AFM: variants seen among roughly 807,000 people sequenced by gnomAD.
AFM encodes the protein afamin.
Under a neutral mutation model 68.7 loss-of-function variants are expected in AFM, and 82 were observed. The observed-to-expected ratio is 1.19, with a 90% CI of 1.00 to 1.43. The LOEUF (loss-of-function observed/expected upper bound fraction) is 1.43, where lower values mean the gene tolerates loss of function less well. Among genes scored for constraint, AFM ranks in the 40% most tolerant of loss-of-function variants. The pLI is 0.00. For synonymous variants in AFM, 250 were observed against 234.2 expected (o/e 1.07, Z -0.61); for missense variants, 772 against 701.8 (o/e 1.10, Z -1.13).
chr4:73,499,904 C>A, intron 11 of AFM, 100 bp from the exon 12 acceptor site: 1 of 969,812 alleles, frequency 1.0e-6, no homozygotes, highest in Non-Finnish European at 1.6e-6. Context: ...GTGAGGTTAA[C>A]AGTGATCTTA....
At chr4:73,492,133 T>C in intron 8 of AFM, 47 bp downstream of exon 8, 1 of 1,538,342 alleles carries the variant, frequency 6.5e-7, no homozygotes, top group Admixed American at 2.1e-5. Context: ...GAAAGAAACT[T>C]ATAAGATTTG....
In AFM at chr4:73,499,211, AC is replaced by A. The variant is rs1307318102; in HGVS notation, c.1388del (p.Thr463SerfsTer2). ...GGTGACAGCTTTCACTACTTGCTGT[AC>A]GCTAAGTGAAGAGTTTGCCTGTGTT... ...KMVTAFTTCC[T>X]LSEEFACVDN... On this transcript the variant is annotated frameshift_variant, in exon 11 of 15. Coordinates refer to ENST00000226355, the MANE Select transcript of AFM (RefSeq NM_001133.2). LOFTEE classifies it high-confidence loss of function. 2 of 1,612,530 alleles carry A rather than the reference AC, an allele frequency of 1.2e-6. No homozygotes were observed. The highest frequency in any genetic ancestry group is 4.5e-5 in the East Asian group (2 of 44,824).
chr4:73,502,938 C>T (rs192217000), intron 13 of AFM, 112 bp from the exon 14 acceptor site: 22 of 1,002,152 alleles, frequency 2.2e-5, no homozygotes, highest in East Asian at 9.8e-5. Flanking sequence ...CCCTGTACAA[C>T]GTGGGAATGA....
At chr4:73,498,922 A>G (rs1328503957) in intron 10 of AFM, among the ~76,000 whole-genome samples, 192 bp from the exon 11 acceptor site, 1 of 152,174 alleles carries the variant, frequency 6.6e-6, no homozygotes, top group Non-Finnish European at 1.5e-5. Context: ...AGGAAGCTAA[A>G]ATAGATATAG....
rs772270123 is a variant in AFM, at chr4:73,485,887, G to A, written c.296G>A (p.Cys99Tyr). The A allele has an allele frequency of 6.2e-7, 1 of 1,613,926 alleles. No individual in the cohort carries two copies. Among genetic ancestry groups the A allele is most frequent in the South Asian group, 1.1e-5 (1 of 91,078 alleles). ...AATAATGTTTTACAGGAAAAAATAT[G>A]TGCTATGGAGGGGCTGCCACAAAAG... ...LPNNVLQEKI[C>Y]AMEGLPQKHN... Residue 99 changes from cysteine to tyrosine, a missense_variant, in exon 4 of 15, where the codon TGT (cysteine) becomes TAT (tyrosine). Cys to Tyr is a radical substitution (Grantham distance 194). Transcript: ENST00000226355.
chr4:73,487,142 C>A (rs1196777707), intron 5 of AFM, 43 bp downstream of exon 5: 21 of 1,605,466 alleles, frequency 1.3e-5, no homozygotes, highest in Non-Finnish European at 1.8e-5. Context: ...AGAAATCACT[C>A]AATACCACAG....
chr4:73,487,659 C>A (rs1577974222), intron 5 of AFM, 65 bp from the exon 6 acceptor site: 1 of 1,127,904 alleles, frequency 8.9e-7, no homozygotes, highest in Non-Finnish European at 1.3e-6. Context: ...TGAAATATGA[C>A]TAAAAAATAA....
intron 1 of AFM, among the ~76,000 whole-genome samples, chr4:73,483,512 G>A (rs1392105360): frequency 6.6e-6 from 1 of 152,226 alleles, no homozygotes; most frequent in African/African-American, 2.4e-5. Flanking sequence ...TGACTGAGTA[G>A]CGCTAAAAAC....
Position 73,495,951 on chromosome 4 carries a change from C to T in AFM, c.1191+519C>T, listed in dbSNP as rs185198383. On this transcript the variant is annotated intron_variant, in intron 9 of 14. Transcript: ENST00000226355. Reference sequence around the variant, plus strand: ...TCTTCAGTACATATACGTATATATACGTGTATTTTAAAAATAAGATTGGCA... The same window carrying T: ...TCTTCAGTACATATACGTATATATATGTGTATTTTAAAAATAAGATTGGCA... 2.2e-3 allele frequency among the ~76,000 whole-genome samples: 342 copies of T among 152,226 alleles called. 5 individuals carry two copies. The highest frequency in any genetic ancestry group is 7.4e-3 in the African/African-American group (306 of 41,542).
chr4:73,501,211 T>C (rs932568271), intron 12 of AFM, among the ~76,000 whole-genome samples: 1 of 152,110 alleles, frequency 6.6e-6, no homozygotes, highest in African/African-American at 2.4e-5. Context: ...TCACACTTAA[T>C]TGTGATAGCT....
chr4:73,500,870 A>G (rs62312078), intron 12 of AFM, among the ~76,000 whole-genome samples: 9 of 151,982 alleles, frequency 5.9e-5, no homozygotes, highest in Non-Finnish European at 1.3e-4. Context: ...AGTGCAATAC[A>G]CTCTTGTATT....
In AFM at chr4:73,496,310, A is replaced by G. The variant is rs185603378; in HGVS notation, c.1191+878A>G. ...GTATCCCATCATAATTATTTAATTT[A>G]TTTAACTGATTTCCTACTGTGTGTT... On this transcript the variant is annotated intron_variant, in intron 9 of 14. Transcript: ENST00000226355. 3.5e-3 allele frequency among the ~76,000 whole-genome samples: 538 copies of G among 152,280 alleles called. 2 individuals carry two copies. Among genetic ancestry groups the G allele is most frequent in the Middle Eastern group, 0.01 (3 of 294 alleles).
chr4:73,498,488 T>C (rs1721321043), intron 10 of AFM, among the ~76,000 whole-genome samples: 1 of 152,174 alleles, frequency 6.6e-6, no homozygotes, highest in Non-Finnish European at 1.5e-5. Context: ...CGTTTTGCCA[T>C]GTTGCACAGG....
In AFM at chr4:73,488,629, G is replaced by T; in HGVS notation, c.714-1G>T. 6.2e-7 allele frequency: 1 copy of T among 1,605,248 alleles called. No individual in the cohort carries two copies. Among genetic ancestry groups the T allele is most frequent in the South Asian group, 1.1e-5 (1 of 89,262 alleles). The stretch of plus-strand genomic sequence containing the variant: ...TTGTGGTTTATCAATTCTCTTTCCA[G>T]ATATATTGCGATACTCAGTCAAAAA... On this transcript the variant is annotated splice_acceptor_variant, in intron 6 of 14. Transcript: ENST00000226355. LOFTEE classifies it high-confidence loss of function.
chr4:73,488,894 A>G, intron 7 of AFM, 135 bp downstream of exon 7: 1 of 855,030 alleles, frequency 1.2e-6, no homozygotes, highest in Non-Finnish European at 1.8e-6. Flanking sequence ...ATGAAAGCAT[A>G]AAATGAAATA....
rs552967725 is a variant in AFM at position 73,484,028 on chromosome 4, A to G, written c.137+39A>G. The G allele has an allele frequency of 8.1e-6, 12 of 1,482,416 alleles. No individual in the cohort carries two copies. In the African/African-American group the frequency reaches 9.9e-5, roughly 12 times the overall value. 91.8% of individuals were successfully genotyped at this position (1,482,416 alleles called of 1,614,324 possible). ...AATACTTTTTGATGATGATTTTTAA[A>G]ATGATATATTCTAGAAATGTTAATG... On this transcript the variant is annotated intron_variant, in intron 2 of 14. Transcript: ENST00000226355.
rs766941334 is a variant in AFM, at chr4:73,501,859, C to T, written c.1719C>T (p.Phe573=). The T allele has an allele frequency of 1.4e-5, 22 of 1,613,442 alleles. No homozygotes were observed. Among genetic ancestry groups the T allele is most frequent in the African/African-American group, 5.3e-5 (4 of 74,914 alleles). ...DEELQSLFTN[F]ANVVDKCCKA... is the part of the protein sequence containing the mutation. ...AGCTGCAGTCTTTGTTTACAAATTT[C>T]GCAAATGTAGTGGATAAGTGCTGCA... Residue 573 remains phenylalanine (F), a synonymous_variant, in exon 13 of 15, where the codon TTC becomes TTT. Coordinates refer to ENST00000226355, the MANE Select transcript of AFM (RefSeq NM_001133.2).
At chr4:73,482,435 T>A (rs1343545980) in intron 1 of AFM, among the ~76,000 whole-genome samples, 1 of 152,206 alleles carries the variant, frequency 6.6e-6, no homozygotes, top group Non-Finnish European at 1.5e-5. Context: ...CTAATCCTTT[T>A]TGGCCTAGAA....
rs781218983 is a variant in AFM, at chr4:73,485,843, T to C, written c.271-19T>C. The C allele has an allele frequency of 1.2e-5, 19 of 1,605,192 alleles. No individual in the cohort carries two copies. Among genetic ancestry groups the C allele is most frequent in the Admixed American group, 1.7e-5 (1 of 59,796 alleles). The stretch of plus-strand genomic sequence containing the variant: ...CTTTACCATGACTAAAAATTGTCCT[T>C]TTCTTCTCTGTTGTATAGAATAATG... On this transcript the variant is annotated intron_variant, in intron 3 of 14. Transcript: ENST00000226355.
Sources: allele counts gnomAD v4.1 joint callset (sites outside exome capture counted in the v4.1 genomes callset), GRCh38; gene constraint gnomAD v4.1.1; transcripts MANE v1.5; gene names NCBI Gene and HGNC (gene_info 2026-07-23, HGNC 2026-07-21).